APOL5: variants seen among roughly 807,000 people sequenced by gnomAD.
APOL5 encodes apolipoprotein L, 5.
Under a neutral mutation model 35.5 loss-of-function variants are expected in APOL5, and 29 were observed. That is an observed-to-expected ratio of 0.82 (90% CI 0.61 to 1.11). APOL5 has a LOEUF of 1.11. Among genes scored for constraint, APOL5 ranks in the 50% most tolerant of loss-of-function variants. APOL5 has a pLI of 0.00. For synonymous variants in APOL5, 188 were observed against 200.2 expected, an observed-to-expected ratio of 0.94 and a Z score of 0.51; for missense variants, 514 against 530.4, an observed-to-expected ratio of 0.97 and a Z score of 0.30.
At chr22:35,724,948 A>G (rs2146002908) in intron 2 of APOL5, among the ~76,000 whole-genome samples, 1 of 152,188 alleles carries the variant, frequency 6.6e-6, no homozygotes, top group East Asian at 1.9e-4. Flanking sequence ...CTGTTTGTGG[A>G]TGAATGGAAT....
intron 3 of APOL5, among the ~76,000 whole-genome samples, chr22:35,728,434 A>G (rs1184429782): frequency 1.3e-5 from 2 of 152,178 alleles, no homozygotes; most frequent in Non-Finnish European, 2.9e-5. Flanking sequence ...CGTGTTAGCC[A>G]GGATGGTCTC....
the APOL5 span, among the ~76,000 whole-genome samples, chr22:35,711,742 C>A: frequency 6.8e-6 from 1 of 148,120 alleles, no homozygotes; most frequent in Non-Finnish European, 1.5e-5. Flanking sequence ...GTGGCATGAT[C>A]TCAGCTCACT....
At chr22:35,713,544 G>A (rs562433009), upstream of APOL5, among the ~76,000 whole-genome samples, 6 of 152,220 alleles carry the variant, frequency 3.9e-5, no homozygotes, top group South Asian at 2.1e-4. Context: ...TTCCCATCTC[G>A]GAGTCACCAG....
intron 2 of APOL5, among the ~76,000 whole-genome samples, chr22:35,722,791 A>C (rs897232035): frequency 6.6e-6 from 1 of 152,174 alleles, no homozygotes; most frequent in Admixed American, 6.5e-5. Flanking sequence ...TCTTTCCCAA[A>C]GAGCCTAGAT....
chr22:35,716,899 T>G (rs1926761348), upstream of APOL5, among the ~76,000 whole-genome samples: 1 of 76,726 alleles, frequency 1.3e-5, no homozygotes, highest in African/African-American at 7.2e-5. Context: ...ATTGCTCTAT[T>G]TTCATGTAAA....
At chr22:35,717,985 G>A (rs764712902) in intron 1 of APOL5, 59 bp downstream of exon 1, 1 of 1,407,796 alleles carries the variant, frequency 7.1e-7, no homozygotes, top group Non-Finnish European at 9.6e-7. Context: ...AATTGTCCCA[G>A]AAATAGAAAA....
the APOL5 span, among the ~76,000 whole-genome samples, chr22:35,710,681 C>T: frequency 6.6e-6 from 1 of 152,026 alleles, no homozygotes; most frequent in East Asian, 1.9e-4. Flanking sequence ...GAAACTTTGC[C>T]CCAAGTAAAC....
At position 35,726,861 on chromosome 22, in the gene APOL5, A is replaced by G; in HGVS notation, c.793A>G (p.Lys265Glu). Residue 265 changes from lysine to glutamate, a missense_variant, in exon 3 of 5, where the codon AAG becomes GAG. By Grantham distance (56) the Lys-to-Glu change is moderately conservative. This residue lies in a region of APOL5 where 238 missense variants were observed against 229.1 expected (regional missense o/e 1.04). Transcript: ENST00000249044. Reference sequence around the variant, plus strand: ...GGCTATGGTCAAGAATTTTGTGGCCAAGAGACACATCCCTTTCTGGACGGC... The same window carrying G: ...GGCTATGGTCAAGAATTTTGTGGCCGAGAGACACATCCCTTTCTGGACGGC... ...FMAMVKNFVAKRHIPFWTARG... is the reference protein window; with the variant it reads ...FMAMVKNFVAERHIPFWTARG... 6.2e-7 allele frequency: 1 copy of G among 1,614,226 alleles called. No individual in the cohort carries two copies.
Position 35,726,778 on chromosome 22 carries a change from T to A in APOL5, c.710T>A (p.Ile237Asn). The A allele has an allele frequency of 6.2e-7, 1 of 1,614,192 alleles. No homozygotes were observed. The highest frequency in any genetic ancestry group is 8.5e-7 in the Non-Finnish European group (1 of 1,180,040). ...TGTGTTAATAAGTGTGTAAAAGCTA[T>A]CCAGGGCATCAAGGATCTTCATGCC... Reference protein sequence around the residue: ...GFCVNKCVKAIQGIKDLHAYQ... With the variant: ...GFCVNKCVKANQGIKDLHAYQ... The change falls in exon 3 of 5, where the codon ATC becomes AAC. Residue 237 changes from isoleucine to asparagine, a missense_variant. Coordinates refer to ENST00000249044, the MANE Select transcript of APOL5 (RefSeq NM_030642.1).
chr22:35,725,059 TTCTG>T (rs755084303), intron 2 of APOL5, among the ~76,000 whole-genome samples: 2 of 152,100 alleles, frequency 1.3e-5, no homozygotes, highest in South Asian at 4.1e-4. Context: ...AGAGTGGACC[TTCTG>T]TCTGTCTGTC....
chr22:35,718,708 A>C (rs1926852602), intron 1 of APOL5, among the ~76,000 whole-genome samples: 1 of 152,158 alleles, frequency 6.6e-6, no homozygotes, highest in Non-Finnish European at 1.5e-5. Context: ...CAAAAATAAT[A>C]GTTATAACAA....
In APOL5 at chr22:35,726,219, G is replaced by A. The variant is rs747842465; in HGVS notation, c.151G>A (p.Val51Met). 15 of 1,609,352 alleles carry A rather than the reference G, an allele frequency of 9.3e-6. No individual in the cohort carries two copies. The highest frequency in any genetic ancestry group is 1.1e-5 in the South Asian group (1 of 91,004). ...KSPEPEFPSL[V>M]NLCQSWKINN... ...TGCCTAGATGTCTTTAGCCTCACTCGTGAACCTGTGCCAGAGTTGGAAAAT... is the reference window on the plus strand; with the variant it reads ...TGCCTAGATGTCTTTAGCCTCACTCATGAACCTGTGCCAGAGTTGGAAAAT... The change falls in exon 3 of 5, where the codon GTG (valine) becomes ATG (methionine). Residue 51 changes from valine to methionine, a missense_variant. Around this residue, in one of 3 missense-constraint regions of APOL5, gnomAD observed 254 missense variants for 254.7 expected, o/e 1.00. Transcript: ENST00000249044.
At chr22:35,717,235 A>AAAAAAAAAAAAAAAAAATATATATAT, upstream of APOL5, among the ~76,000 whole-genome samples, 2 of 57,656 alleles carry the variant, frequency 3.5e-5, no homozygotes, top group Admixed American at 1.8e-4. Flanking sequence ...AAAAAAAAAA[A>AAAAAAAAAAAAAAAAAATATATATAT]ATATATATAT....
chr22:35,722,887 G>T (rs1238279872), intron 2 of APOL5, among the ~76,000 whole-genome samples: 1 of 152,078 alleles, frequency 6.6e-6, no homozygotes, highest in Non-Finnish European at 1.5e-5. Flanking sequence ...TGTACAAGGC[G>T]ATCTGGAAGG....
In APOL5 at chr22:35,726,945, G is replaced by GTGA. The variant is rs1455427566; in HGVS notation, c.880_882dup (p.Met294dup). On this transcript the variant is annotated inframe_insertion, in exon 3 of 5. Coordinates refer to ENST00000249044, the MANE Select transcript of APOL5 (RefSeq NM_030642.1). ...TCTGGCCATGACCAATGGTGCCTGG[G>GTGA]TGATGGGTGCTGCTGGGGCTGGCTT... 40 of 1,614,106 alleles carry GTGA rather than the reference G, an allele frequency of 2.5e-5. No individual in the cohort carries two copies. The highest frequency in any genetic ancestry group is 3.2e-5 in the Non-Finnish European group (38 of 1,180,046).
chr22:35,717,744 A>AAAAAAAAG (rs1926803751), upstream of APOL5: 6 of 337,032 alleles, frequency 1.8e-5, no homozygotes, highest in East Asian at 3.0e-4. Flanking sequence ...ATCGCAAAAA[A>AAAAAAAAG]AAAAAAAAAG....
chr22:35,719,698 G>A (rs1926891122), intron 1 of APOL5, among the ~76,000 whole-genome samples: 1 of 151,796 alleles, frequency 6.6e-6, no homozygotes. Context: ...CAGGTCTTGG[G>A]GAGCGTGGGC....
At chr22:35,714,305 C>T (rs989581625), upstream of APOL5, among the ~76,000 whole-genome samples, 5 of 152,088 alleles carry the variant, frequency 3.3e-5, no homozygotes, top group Non-Finnish European at 7.4e-5. Flanking sequence ...GAGCAAGATT[C>T]TGTCTCAAAA....
At chr22:35,723,597 C>G (rs1927046725) in intron 2 of APOL5, among the ~76,000 whole-genome samples, 1 of 152,302 alleles carries the variant, frequency 6.6e-6, no homozygotes, top group South Asian at 2.1e-4. Context: ...TACAAGCTCC[C>G]CCCACTTGCC....
Sources: gnomAD v4.1 joint callset for allele counts (sites outside exome capture counted in the v4.1 genomes callset) on GRCh38, gnomAD v4.1.1 for gene constraint, gnomAD v4.1.1 regional missense constraint, MANE v1.5 for transcripts, NCBI Gene and HGNC (gene_info 2026-07-23, HGNC 2026-07-21) for gene names.